TBC1D5: variants seen among roughly 807,000 people sequenced by gnomAD.
TBC1D5 encodes the protein TBC1 domain family, member 5.
Under a neutral mutation model 100.3 loss-of-function variants are expected in TBC1D5, and 75 were observed. The observed-to-expected ratio is 0.75, with a 90% CI of 0.62 to 0.91. The LOEUF (loss-of-function observed/expected upper bound fraction) is 0.91. Among genes scored for constraint, TBC1D5 ranks in the 40% least tolerant of loss-of-function variants. The probability of loss-of-function intolerance (pLI) is 0.00; values close to 1 mark genes in which losing one functional copy is unlikely to be tolerated. For missense variants in TBC1D5, 910 were observed against 942.4 expected, an observed-to-expected ratio of 0.97 and a Z score of 0.45; for synonymous variants, 323 against 325.6, an observed-to-expected ratio of 0.99 and a Z score of 0.09.
chr3:17,486,805 T>C (rs1184176791), intron 3 of TBC1D5, among the ~76,000 whole-genome samples: 2 of 152,188 alleles, frequency 1.3e-5, no homozygotes, highest in Non-Finnish European at 2.9e-5. Flanking sequence ...GAGGGAGCTA[T>C]GCAAACTTTA....
At chr3:17,458,200 A>G (rs1013559490) in intron 3 of TBC1D5, among the ~76,000 whole-genome samples, 14 of 152,144 alleles carry the variant, frequency 9.2e-5, no homozygotes, top group South Asian at 4.2e-4. Context: ...CTCCTCCCCT[A>G]GTATAGTTTT....
intron 3 of TBC1D5, among the ~76,000 whole-genome samples, chr3:17,495,738 A>G (rs2095698989): frequency 1.3e-5 from 2 of 152,244 alleles, no homozygotes; most frequent in African/African-American, 4.8e-5. Flanking sequence ...TACCTACATT[A>G]GAAAATAAAA....
At chr3:17,270,282 TG>T (rs1239465443) in intron 15 of TBC1D5, among the ~76,000 whole-genome samples, 2 of 152,200 alleles carry the variant, frequency 1.3e-5, no homozygotes, top group African/African-American at 4.8e-5. Context: ...GTTGGACACT[TG>T]TATGTTTTCT....
chr3:17,433,953 T>G (rs1454613192), intron 3 of TBC1D5, among the ~76,000 whole-genome samples: 3 of 152,132 alleles, frequency 2.0e-5, no homozygotes, highest in Non-Finnish European at 4.4e-5. Flanking sequence ...AACTGTAAAG[T>G]ACCAAAATGA....
intron 18 of TBC1D5, among the ~76,000 whole-genome samples, chr3:17,202,176 T>A (rs537477748): frequency 2.2e-4 from 34 of 152,344 alleles, no homozygotes; most frequent in Admixed American, 3.9e-4. Flanking sequence ...TAAAGGTCAC[T>A]TTTGTTATGC....
intron 13 of TBC1D5, among the ~76,000 whole-genome samples, chr3:17,320,246 T>C (rs1559625336): frequency 6.6e-6 from 1 of 152,230 alleles, no homozygotes; most frequent in Non-Finnish European, 1.5e-5. Flanking sequence ...TTGGGAAAAC[T>C]GTAAAGCAGT....
At chr3:17,428,012 C>T (rs926845591) in intron 4 of TBC1D5, among the ~76,000 whole-genome samples, 18 of 151,954 alleles carry the variant, frequency 1.2e-4, no homozygotes, top group Admixed American at 9.8e-4. Flanking sequence ...TAGCAAAGAG[C>T]ACTTAATTCA....
chr3:17,512,540 A>G (rs1225059625), intron 2 of TBC1D5, among the ~76,000 whole-genome samples: 1 of 152,176 alleles, frequency 6.6e-6, no homozygotes, highest in African/African-American at 2.4e-5. Context: ...GATAGATTTT[A>G]GTTCTCTTCA....
chr3:17,703,595 T>C (rs1353855101), intron 1 of TBC1D5, among the ~76,000 whole-genome samples: 1 of 152,120 alleles, frequency 6.6e-6, no homozygotes, highest in East Asian at 1.9e-4. Flanking sequence ...GAACTCTAAA[T>C]CTGTCAAAAG....
In TBC1D5 at chr3:17,650,436, C is replaced by G. The variant is rs569653306; in HGVS notation, c.-100-26523G>C. Among the ~76,000 whole-genome samples, 5 of 152,102 alleles carry G rather than the reference C, an allele frequency of 3.3e-5. No individual in the cohort carries two copies. In the East Asian group the frequency reaches 9.7e-4, roughly 29 times the overall value. ...GCACATGTACATGGACAGGCCTCTGCCTAAATAAGACACCTTTTTATTACT... is the reference window on the plus strand; with the variant it reads ...GCACATGTACATGGACAGGCCTCTGGCTAAATAAGACACCTTTTTATTACT... On this transcript the variant is annotated intron_variant, in intron 1 of 21. Coordinates refer to ENST00000253692, the Ensembl canonical transcript of TBC1D5.
At chr3:17,680,664 T>C (rs576622895) in intron 1 of TBC1D5, among the ~76,000 whole-genome samples, 62 of 151,522 alleles carry the variant, frequency 4.1e-4, no homozygotes, top group Non-Finnish European at 7.8e-4. Context: ...GTTATTGCTA[T>C]GTTGTTTGGT....
At chr3:17,297,164 G>C (rs1429768323) in intron 14 of TBC1D5, among the ~76,000 whole-genome samples, 1 of 152,218 alleles carries the variant, frequency 6.6e-6, no homozygotes, top group Non-Finnish European at 1.5e-5. Context: ...TTAGCTCCAG[G>C]AATGCCGTTT....
intron 1 of TBC1D5, among the ~76,000 whole-genome samples, chr3:17,674,149 A>G (rs2068323983): frequency 6.6e-6 from 1 of 152,150 alleles, no homozygotes; most frequent in African/African-American, 2.4e-5. Context: ...ATCAATTGAA[A>G]CCGTAAAGAA....
intron 3 of TBC1D5, among the ~76,000 whole-genome samples, chr3:17,479,995 G>A (rs573115763): frequency 1.3e-5 from 2 of 152,202 alleles, no homozygotes; most frequent in South Asian, 2.1e-4. Flanking sequence ...CCTTGTCCCT[G>A]CAGCTTTGAA....
At chr3:17,674,107 A>G (rs1439941545) in intron 1 of TBC1D5, among the ~76,000 whole-genome samples, 1 of 149,308 alleles carries the variant, frequency 6.7e-6, no homozygotes, top group Non-Finnish European at 1.5e-5. Context: ...TACATATTTG[A>G]AAAAAAAAAA....
intron 1 of TBC1D5, among the ~76,000 whole-genome samples, chr3:17,685,785 C>T (rs1486142638): frequency 2.0e-5 from 3 of 152,064 alleles, no homozygotes; most frequent in African/African-American, 7.2e-5. Flanking sequence ...TTAACTTACA[C>T]TTCTTTTTCA....
intron 13 of TBC1D5, among the ~76,000 whole-genome samples, chr3:17,310,501 G>A (rs1420402195): frequency 6.6e-6 from 1 of 150,464 alleles, no homozygotes; most frequent in Admixed American, 6.6e-5. Flanking sequence ...GACAGAAACA[G>A]AGAGAGAGAG....
intron 13 of TBC1D5, among the ~76,000 whole-genome samples, chr3:17,362,825 C>T (rs902559500): frequency 4.6e-5 from 7 of 152,142 alleles, no homozygotes; most frequent in African/African-American, 1.7e-4. Context: ...CCTTCACATA[C>T]AGTTGTAAGA....
chr3:17,396,315 G>C (rs936212476), intron 8 of TBC1D5, among the ~76,000 whole-genome samples: 1 of 151,924 alleles, frequency 6.6e-6, no homozygotes, highest in Non-Finnish European at 1.5e-5. Flanking sequence ...ATGGCAGCTT[G>C]TATTTTTTTT....
Sources: allele counts gnomAD v4.1 joint callset (sites outside exome capture counted in the v4.1 genomes callset), GRCh38; gene constraint gnomAD v4.1.1; transcripts MANE v1.5; gene names NCBI Gene and HGNC (gene_info 2026-07-23, HGNC 2026-07-21).